RCOR3: variants seen among roughly 807,000 people sequenced by gnomAD.
The protein encoded by RCOR3 is REST corepressor 3.
A neutral mutation model predicts 64.1 loss-of-function variants in RCOR3; 13 were observed. The observed-to-expected ratio is 0.20, with a 90% confidence interval of 0.13 to 0.32. RCOR3 has a LOEUF of 0.32. Among genes scored for constraint, RCOR3 ranks in the 10% least tolerant of loss-of-function variants. The pLI is 1.00. For synonymous variants in RCOR3, 215 were observed against 239.0 expected, an observed-to-expected ratio of 0.90 and a Z score of 0.93; for missense variants, 489 against 701.2, an observed-to-expected ratio of 0.70 and a Z score of 3.42.
At chr1:211,295,598 T>G (rs1220779929) in intron 8 of RCOR3, 78 bp from the exon 9 acceptor site, 1 of 1,190,674 alleles carries the variant, frequency 8.4e-7, no homozygotes, top group African/African-American at 1.5e-5. Flanking sequence ...TTGGAATATA[T>G]TCTTTTCACT....
chr1:211,263,048 G>C (rs1257275190), intron 2 of RCOR3, among the ~76,000 whole-genome samples: 1 of 113,658 alleles, frequency 8.8e-6, no homozygotes, highest in African/African-American at 3.5e-5. Flanking sequence ...ACAGTCCCCA[G>C]AGTGTGATGT....
At chr1:211,259,918 G>T in intron 1 of RCOR3, 190 bp from the exon 2 acceptor site, 1 of 644,676 alleles carries the variant, frequency 1.6e-6, no homozygotes, top group Non-Finnish European at 2.1e-6. Flanking sequence ...CCAATCCTCC[G>T]CCTTTGCCCC....
At chr1:211,279,083 A>G (rs1486321627) in intron 6 of RCOR3, among the ~76,000 whole-genome samples, 155 bp from the exon 7 acceptor site, 1 of 152,028 alleles carries the variant, frequency 6.6e-6, no homozygotes, top group Non-Finnish European at 1.5e-5. Flanking sequence ...GCTACTTGGG[A>G]GACTGAGGTG....
At chr1:211,261,978 T>C (rs4366377) in intron 2 of RCOR3, among the ~76,000 whole-genome samples, 50,723 of 115,764 alleles carry the variant, frequency 0.44, 14,302 homozygotes, top group Non-Finnish European at 0.6. Flanking sequence ...CTTCTTTTTG[T>C]GGTCTGAGCA....
At chr1:211,268,980 A>G (rs1161718069) in intron 2 of RCOR3, among the ~76,000 whole-genome samples, 1 of 152,218 alleles carries the variant, frequency 6.6e-6, no homozygotes, top group Non-Finnish European at 1.5e-5. Flanking sequence ...ATGATATTAT[A>G]TTATTGCCTG....
intron 10 of RCOR3, among the ~76,000 whole-genome samples, chr1:211,311,656 C>T (rs1442559740): frequency 6.6e-6 from 1 of 151,864 alleles, no homozygotes; most frequent in Non-Finnish European, 1.5e-5. Flanking sequence ...AATTTAAGCC[C>T]CCATATTTTT....
At chr1:211,260,683 C>T (rs978874873) in intron 2 of RCOR3, among the ~76,000 whole-genome samples, 2 of 151,502 alleles carry the variant, frequency 1.3e-5, no homozygotes, top group African/African-American at 4.8e-5. Context: ...TTCTTTTTGG[C>T]TAGGTGGTGT....
At chr1:211,284,588 A>ATCAT (rs1306854914) in intron 7 of RCOR3, among the ~76,000 whole-genome samples, 1 of 151,998 alleles carries the variant, frequency 6.6e-6, no homozygotes, top group Non-Finnish European at 1.5e-5. Flanking sequence ...CAGTGACACA[A>ATCAT]TCATAGCTCA....
intron 7 of RCOR3, among the ~76,000 whole-genome samples, chr1:211,282,279 T>A (rs1697913672): frequency 1.3e-5 from 2 of 151,388 alleles, no homozygotes; most frequent in Admixed American, 1.3e-4. Flanking sequence ...TCTCTGCTCA[T>A]TCCAAACAAT....
chr1:211,304,494 A>C (rs921056834), intron 10 of RCOR3, among the ~76,000 whole-genome samples: 1 of 152,176 alleles, frequency 6.6e-6, no homozygotes. Context: ...TAAAAGCATC[A>C]ATAAACTATA....
At chr1:211,277,013 G>T (rs34140425) in intron 5 of RCOR3, among the ~76,000 whole-genome samples, 17,533 of 151,234 alleles carry the variant, frequency 0.12, 1,128 homozygotes, top group South Asian at 0.2. Flanking sequence ...TTGAACCCGG[G>T]AGGCAGAGGT....
At chr1:211,295,857 G>A in intron 9 of RCOR3, 104 bp downstream of exon 9, 1 of 715,300 alleles carries the variant, frequency 1.4e-6, no homozygotes, top group South Asian at 1.8e-5. Flanking sequence ...TTAATACTTT[G>A]AAGGTTTCAT....
At chr1:211,273,313 TAAGGTACAGA>T (rs1189024591) in intron 3 of RCOR3, among the ~76,000 whole-genome samples, 1 of 152,126 alleles carries the variant, frequency 6.6e-6, no homozygotes, top group Non-Finnish European at 1.5e-5. Context: ...GTGAGGAAAC[TAAGGTACAGA>T]AAGGTCAAAA....
intron 8 of RCOR3, among the ~76,000 whole-genome samples, chr1:211,291,964 T>A (rs936318506): frequency 1.3e-5 from 2 of 152,192 alleles, no homozygotes; most frequent in African/African-American, 4.8e-5. Flanking sequence ...ATAAAAAAAA[T>A]TTTAAAAATA....
chr1:211,275,919 T>C (rs767716742), intron 4 of RCOR3, among the ~76,000 whole-genome samples: 4 of 152,172 alleles, frequency 2.6e-5, no homozygotes, highest in Non-Finnish European at 5.9e-5. Context: ...TTTTAGCAAA[T>C]TTTTTCCTAC....
intron 8 of RCOR3, among the ~76,000 whole-genome samples, chr1:211,293,518 G>GTTAAATTAGGGAA (rs1353736981): frequency 1.3e-5 from 2 of 152,138 alleles, no homozygotes; most frequent in East Asian, 3.9e-4. Context: ...ACTCAGTTTA[G>GTTAAATTAGGGAA]CTGTCCTTTT....
intron 2 of RCOR3, among the ~76,000 whole-genome samples, chr1:211,263,041 G>C: frequency 9.6e-6 from 1 of 103,680 alleles, no homozygotes; most frequent in African/African-American, 3.9e-5. Context: ...CCCCACAACA[G>C]TCCCCAGAGT....
chr1:211,291,635 A>T (rs1478267463), intron 8 of RCOR3: 1 of 450,202 alleles, frequency 2.2e-6, no homozygotes, highest in East Asian at 7.1e-5. Context: ...TGGGATCAAG[A>T]TTCTCTATCT....
At chr1:211,274,099 T>C in intron 3 of RCOR3, 111 bp from the exon 4 acceptor site, 1 of 673,388 alleles carries the variant, frequency 1.5e-6, no homozygotes, top group Non-Finnish European at 2.4e-6. Context: ...TTGGCTTTTT[T>C]TTTTACCCTG....
Sources: allele counts gnomAD v4.1 joint callset (sites outside exome capture counted in the v4.1 genomes callset), GRCh38; gene constraint gnomAD v4.1.1; transcripts MANE v1.5; gene names NCBI Gene and HGNC (gene_info 2026-07-23, HGNC 2026-07-21).